Variants in TRPC5 observed in about 807,000 individuals in gnomAD.
TRPC5 encodes transient receptor potential cation channel subfamily C member 5.
TRPC5 carries 9 observed loss-of-function variants against 56.5 expected under a neutral mutation model. That is an observed-to-expected ratio of 0.16 (90% CI 0.10 to 0.28). The LOEUF (loss-of-function observed/expected upper bound fraction) is 0.28, where lower values mean the gene tolerates loss of function less well. Ranked by LOEUF, TRPC5 falls within the 10% of genes least tolerant of loss-of-function variation. The pLI, the probability that TRPC5 is intolerant of heterozygous loss-of-function variation, is 1.00. For missense variants in TRPC5, 469 were observed against 748.9 expected (o/e 0.63, Z 4.36); for synonymous variants, 282 against 278.5 (o/e 1.01, Z -0.13).
rs974167749 is a variant in TRPC5 at position 111,938,536 on chromosome X, A to C, written c.378+13507T>G. Among the ~76,000 whole-genome samples, 6 of 111,369 alleles carry C rather than the reference A, an allele frequency of 5.4e-5. No individual in the cohort carries two copies. The Middle Eastern group carries it at 0.014, about 255-fold the overall frequency. On this transcript the variant is annotated intron_variant, in intron 2 of 10. Coordinates refer to ENST00000262839, the MANE Select transcript of TRPC5 (RefSeq NM_012471.3). ...GATACATCCCATCAATACCTAATTTATTGAGAGTTTTTAGCATGAAGGGTT... is the reference window on the plus strand; with the variant it reads ...GATACATCCCATCAATACCTAATTTCTTGAGAGTTTTTAGCATGAAGGGTT...
intron 10 of TRPC5, among the ~76,000 whole-genome samples, chrX:111,777,637 C>T (rs1033246601): frequency 8.9e-5 from 10 of 111,831 alleles, no homozygotes; most frequent in African/African-American, 3.2e-4. Context: ...AGGCCTAGTA[C>T]ATGTTGCTTT....
intron 1 of TRPC5, among the ~76,000 whole-genome samples, chrX:112,039,638 T>C (rs1929844318): frequency 9.0e-6 from 1 of 111,651 alleles, no homozygotes; most frequent in Admixed American, 9.5e-5. Context: ...AAAATGGACA[T>C]GTGCAGATCC....
At chrX:111,872,424 A>C (rs1204429514) in intron 3 of TRPC5, among the ~76,000 whole-genome samples, 1 of 112,066 alleles carries the variant, frequency 8.9e-6, no homozygotes, top group African/African-American at 3.2e-5. Context: ...TATGGTCCTC[A>C]TTGTATAGTC....
chrX:111,985,603 TG>T (rs1928191771), intron 1 of TRPC5, among the ~76,000 whole-genome samples: 1 of 112,015 alleles, frequency 8.9e-6, no homozygotes, highest in Non-Finnish European at 1.9e-5. Context: ...CAAGGGGTTC[TG>T]GGTAGGTAAA....
chrX:111,860,382 T>C (rs1160660632), intron 3 of TRPC5, among the ~76,000 whole-genome samples: 4 of 112,603 alleles, frequency 3.6e-5, no homozygotes, highest in Admixed American at 1.9e-4. Context: ...AAGTAAAAGG[T>C]AAAAATTGGT....
intron 7 of TRPC5, among the ~76,000 whole-genome samples, chrX:111,788,562 G>A (rs372322681): frequency 3.0e-4 from 34 of 111,536 alleles, no homozygotes; most frequent in South Asian, 3.8e-4. Flanking sequence ...AGTTCTGGCC[G>A]GGGAAATCAG....
intron 1 of TRPC5, among the ~76,000 whole-genome samples, chrX:111,971,000 G>C (rs1482832395): frequency 1.8e-5 from 2 of 110,322 alleles, no homozygotes; most frequent in Non-Finnish European, 3.8e-5. Flanking sequence ...GGATGGTCTC[G>C]ATCTCCTGAC....
At chrX:111,787,492 A>G (rs1012940107) in intron 7 of TRPC5, among the ~76,000 whole-genome samples, 2 of 110,455 alleles carry the variant, frequency 1.8e-5, no homozygotes, top group African/African-American at 6.6e-5. Context: ...TCACAATTAA[A>G]AGAACTAGAG....
At chrX:112,021,328 G>T (rs746671909) in intron 1 of TRPC5, among the ~76,000 whole-genome samples, 5 of 111,624 alleles carry the variant, frequency 4.5e-5, no homozygotes, top group Non-Finnish European at 9.4e-5. Context: ...TAGAATAAAC[G>T]AAACAAAAAC....
At chrX:111,905,914 CAAA>C (rs1202912083) in intron 3 of TRPC5, among the ~76,000 whole-genome samples, 1 of 37,002 alleles carries the variant, frequency 2.7e-5, no homozygotes, top group Non-Finnish European at 4.9e-5. Context: ...GTCTCTGTCT[CAAA>C]AAAAAAAAAA....
rs1945831779 is a variant in TRPC5 at position 111,769,507 on chromosome X, G to C, written c.*6806C>G. ...AAGGAGAACAAGCATTCTTGAGGGG[G>C]TGATGGAGATATTCTATAACTTGAT... On this transcript the variant is annotated 3_prime_UTR_variant, in exon 11 of 11. Coordinates refer to ENST00000262839, the MANE Select transcript of TRPC5 (RefSeq NM_012471.3). Among the ~76,000 whole-genome samples, 1 of 111,609 alleles carries C rather than the reference G, an allele frequency of 9.0e-6. No individual in the cohort carries two copies. The highest frequency in any genetic ancestry group is 3.7e-4 in the South Asian group (1 of 2,679).
At chrX:111,963,051 G>A (rs1435809494) in intron 1 of TRPC5, among the ~76,000 whole-genome samples, 5 of 112,269 alleles carry the variant, frequency 4.5e-5, no homozygotes, top group Non-Finnish European at 9.4e-5. Context: ...ACAGCGCAAG[G>A]GGTCAGGGAG....
At chrX:111,847,855 C>T (rs945274924) in intron 5 of TRPC5, among the ~76,000 whole-genome samples, 1 of 110,995 alleles carries the variant, frequency 9.0e-6, no homozygotes, top group Non-Finnish European at 1.9e-5. Context: ...TGTACTTCCT[C>T]AATCCCTCAC....
chrX:111,855,752 C>T (rs772069824), intron 3 of TRPC5, among the ~76,000 whole-genome samples: 9 of 112,017 alleles, frequency 8.0e-5, no homozygotes, highest in African/African-American at 2.3e-4. Flanking sequence ...CCACAGTAGC[C>T]TATGCCAAAG....
chrX:112,052,636 A>G (rs1003979909), intron 1 of TRPC5, among the ~76,000 whole-genome samples: 1 of 111,768 alleles, frequency 8.9e-6, no homozygotes, highest in Non-Finnish European at 1.9e-5. Flanking sequence ...TTGATGTAGT[A>G]TAATTTCTCT....
intron 1 of TRPC5, among the ~76,000 whole-genome samples, chrX:111,994,091 T>G (rs749558485): frequency 2.7e-5 from 3 of 111,896 alleles, no homozygotes; most frequent in African/African-American, 3.2e-5. Context: ...AAAGTGTAAG[T>G]AAGGGATCCA....
intron 1 of TRPC5, among the ~76,000 whole-genome samples, chrX:112,010,298 C>G (rs976617298): frequency 8.9e-6 from 1 of 112,281 alleles, no homozygotes; most frequent in South Asian, 3.7e-4. Flanking sequence ...TCCCACTTAG[C>G]AGCTCTGTGA....
intron 3 of TRPC5, among the ~76,000 whole-genome samples, chrX:111,856,581 C>T (rs1359591263): frequency 2.3e-5 from 2 of 88,803 alleles, no homozygotes; most frequent in African/African-American, 6.7e-5. Flanking sequence ...TAATAGAGGC[C>T]GAGGCGGGCA....
intron 1 of TRPC5, among the ~76,000 whole-genome samples, chrX:111,979,224 G>A (rs971321765): frequency 9.0e-6 from 1 of 111,337 alleles, no homozygotes; most frequent in Non-Finnish European, 1.9e-5. Flanking sequence ...CGTGGATAAA[G>A]AAGGGTCTTT....
Sources: allele counts gnomAD v4.1 joint callset (sites outside exome capture counted in the v4.1 genomes callset), GRCh38; gene constraint gnomAD v4.1.1; transcripts MANE v1.5; gene names NCBI Gene and HGNC (gene_info 2026-07-23, HGNC 2026-07-21).